Variants in CPS1 observed in about 807,000 individuals in gnomAD.
The protein encoded by CPS1 is carbamoyl-phosphate synthase [ammonia], mitochondrial.
A neutral mutation model predicts 174.6 loss-of-function variants in CPS1; 109 were observed. That is an observed-to-expected ratio of 0.62 (90% confidence interval 0.53 to 0.73). The LOEUF (loss-of-function observed/expected upper bound fraction) is 0.73. CPS1 is among the 30% of genes least tolerant of loss of function. The pLI, the probability that CPS1 is intolerant of heterozygous loss-of-function variation, is 0.00. For synonymous variants in CPS1, 637 were observed against 632.0 expected (o/e 1.01, Z -0.12); for missense variants, 1,689 against 1,821.9 (o/e 0.93, Z 1.33).
rs565207639 is a variant in CPS1 at position 210,564,520 on chromosome 2, T to C, written c.126+7661T>C. On this transcript the variant is annotated intron_variant, in intron 1 of 37. Transcript: ENST00000233072. ...CCTCCCGAGTAGCTGGGACTACAGG[T>C]GCCTGCCACCACGCCTGGCTAATTT... Among the ~76,000 whole-genome samples the C allele has an allele frequency of 7.8e-4, 118 of 151,904 alleles. No individual in the cohort carries two copies. The South Asian group carries it at 0.011, about 14-fold the overall frequency.
chr2:210,643,926 A>G (rs146937690), intron 25 of CPS1, among the ~76,000 whole-genome samples: 12 of 152,256 alleles, frequency 7.9e-5, no homozygotes, highest in Admixed American at 2.6e-4. Flanking sequence ...TCAGTATGAT[A>G]GACAGCTGGA....
intron 1 of CPS1, among the ~76,000 whole-genome samples, chr2:210,494,584 C>CTG (rs771624764): frequency 5.3e-5 from 8 of 152,180 alleles, no homozygotes; most frequent in Non-Finnish European, 1.0e-4. Flanking sequence ...AACACCTATC[C>CTG]TGTGTGAGCA....
intron 1 of CPS1, among the ~76,000 whole-genome samples, chr2:210,510,794 T>A (rs2105974479): frequency 6.6e-6 from 1 of 152,340 alleles, no homozygotes; most frequent in East Asian, 1.9e-4. Flanking sequence ...TCATCATCAC[T>A]GGCCATCAGA....
At chr2:210,532,942 T>C (rs973435813) in intron 1 of CPS1, among the ~76,000 whole-genome samples, 1 of 152,166 alleles carries the variant, frequency 6.6e-6, no homozygotes, top group Non-Finnish European at 1.5e-5. Context: ...TTCAAGAAGG[T>C]GATCCTGCAA....
intron 1 of CPS1, among the ~76,000 whole-genome samples, chr2:210,488,076 G>T (rs1694775452): frequency 6.6e-6 from 1 of 152,114 alleles, no homozygotes. Context: ...GAGACTAATT[G>T]AATCTGCGTT....
At chr2:210,559,208 G>A (rs1359118364) in intron 1 of CPS1, among the ~76,000 whole-genome samples, 2 of 152,026 alleles carry the variant, frequency 1.3e-5, no homozygotes, top group African/African-American at 4.8e-5. Flanking sequence ...TCAGTGAAGG[G>A]CACTGAGAAC....
At chr2:210,560,308 T>C (rs1415773647) in intron 1 of CPS1, among the ~76,000 whole-genome samples, 1 of 152,080 alleles carries the variant, frequency 6.6e-6, no homozygotes, top group Non-Finnish European at 1.5e-5. Context: ...AAGTGGATCA[T>C]AAGAGTATAG....
intron 1 of CPS1, among the ~76,000 whole-genome samples, chr2:210,498,261 AT>A (rs528104138): frequency 3.1e-4 from 47 of 151,910 alleles, no homozygotes; most frequent in African/African-American, 9.9e-4. Context: ...TCTTTTGCCC[AT>A]TTTTTAATGG....
chr2:210,633,501 A>G (rs1699935452), intron 21 of CPS1, among the ~76,000 whole-genome samples: 1 of 152,180 alleles, frequency 6.6e-6, no homozygotes. Context: ...TCTTGTGGTG[A>G]AAAAGAACAA....
intron 21 of CPS1, among the ~76,000 whole-genome samples, chr2:210,623,195 C>T (rs527367379): frequency 1.3e-5 from 2 of 152,034 alleles, no homozygotes; most frequent in South Asian, 2.1e-4. Context: ...TGTACAATGC[C>T]GCTATTTATG....
chr2:210,618,695 G>T (rs936151227), intron 21 of CPS1: 1 of 152,032 alleles, frequency 6.6e-6, no homozygotes, highest in African/African-American at 2.4e-5. Context: ...ACAGCTGATG[G>T]AATGAATGTT....
At chr2:210,479,079 A>G (rs1694492838) in intron 1 of CPS1, among the ~76,000 whole-genome samples, 2 of 152,092 alleles carry the variant, frequency 1.3e-5, no homozygotes, top group African/African-American at 4.8e-5. Context: ...TCAGGCTGCC[A>G]CACAAAGAAC....
intron 6 of CPS1, 35 bp from the exon 7 acceptor site, chr2:210,588,023 A>G: frequency 1.9e-6 from 3 of 1,594,276 alleles, no homozygotes; most frequent in Non-Finnish European, 2.6e-6. Context: ...CATAGCTGGG[A>G]CTTCCCTCTC....
rs760188665 is a variant in CPS1 at position 210,675,680 on chromosome 2, TAAG to T, written c.4162-45_4162-43del. On this transcript the variant is annotated intron_variant, in intron 35 of 37. Coordinates refer to ENST00000233072, the MANE Select transcript of CPS1 (RefSeq NM_001875.5). The stretch of plus-strand genomic sequence containing the variant: ...TTTTAAATTACATGTTCCATAAAAA[TAAG>T]AAATCACTGTGATACGGTAATTGAT... 6.6e-5 allele frequency: 59 copies of T among 897,926 alleles called. No homozygotes were observed. In the South Asian group the frequency reaches 7.8e-4, roughly 12 times the overall value. 55.6% of individuals were successfully genotyped at this position (897,926 alleles called of 1,614,324 possible).
chr2:210,539,858 C>G (rs2544305), intron 1 of CPS1, among the ~76,000 whole-genome samples: 70,999 of 151,950 alleles, frequency 0.47, 17,325 homozygotes, highest in African/African-American at 0.6. Flanking sequence ...TTGTCACAAC[C>G]AGACTTGGGT....
intron 28 of CPS1, among the ~76,000 whole-genome samples, chr2:210,653,643 T>C (rs1049751076): frequency 1.3e-5 from 2 of 152,078 alleles, no homozygotes; most frequent in Admixed American, 6.6e-5. Context: ...AAGAAAGAAA[T>C]ATTCTGAACC....
intron 20 of CPS1, among the ~76,000 whole-genome samples, chr2:210,615,773 C>T (rs1169233135): frequency 5.3e-5 from 8 of 151,908 alleles, no homozygotes; most frequent in Admixed American, 2.6e-4. Flanking sequence ...CCTATCAGAA[C>T]AGAAGTTATT....
Position 210,599,349 on chromosome 2 carries a change from CTGGATTCTTTTGT to C in CPS1, c.1360-21_1360-9del. On this transcript the variant is annotated splice_polypyrimidine_tract_variant and intron_variant, in intron 13 of 37. Transcript: ENST00000233072. ...CTTCTTTAGACCATATATTCATGTACTGGATTCTTTTGTTTCTTTCAGGAAGAAAATGTCAAAA... is the reference window on the plus strand; with the variant it reads ...CTTCTTTAGACCATATATTCATGTACTTCTTTCAGGAAGAAAATGTCAAAA... 1 of 1,607,454 alleles carries C rather than the reference CTGGATTCTTTTGT, an allele frequency of 6.2e-7. No homozygotes were observed. The highest frequency in any genetic ancestry group is 1.1e-5 in the South Asian group (1 of 90,966).
At chr2:210,557,661 T>G (rs1696957322) in intron 1 of CPS1, among the ~76,000 whole-genome samples, 1 of 152,120 alleles carries the variant, frequency 6.6e-6, no homozygotes, top group South Asian at 2.1e-4. Flanking sequence ...ATGAAAATAA[T>G]CTTTAGTGAC....
Sources: allele counts gnomAD v4.1 joint callset (sites outside exome capture counted in the v4.1 genomes callset), GRCh38; gene constraint gnomAD v4.1.1; transcripts MANE v1.5; gene names NCBI Gene and HGNC (gene_info 2026-07-23, HGNC 2026-07-21).